CYP19A1: variants seen among roughly 807,000 people sequenced by gnomAD.
The protein encoded by CYP19A1 is cytochrome P450 family 19 subfamily A member 1, also known as aromatase.
Under a neutral mutation model 44.4 loss-of-function variants are expected in CYP19A1, and 32 were observed. The observed-to-expected ratio is 0.72, with a 90% CI of 0.54 to 0.97. CYP19A1 has a LOEUF of 0.97. Among genes scored for constraint, CYP19A1 ranks in the 50% least tolerant of loss-of-function variants. CYP19A1 has a pLI of 0.00. For missense variants in CYP19A1, 598 were observed against 637.8 expected (o/e 0.94, Z 0.67); for synonymous variants, 212 against 215.6 (o/e 0.98, Z 0.14).
At chr15:51,231,161 GA>G (rs1445112742) in intron 3 of CYP19A1, among the ~76,000 whole-genome samples, 2 of 152,206 alleles carry the variant, frequency 1.3e-5, no homozygotes, top group African/African-American at 2.4e-5. Context: ...GATGTGATAT[GA>G]AGTTCCTAGT....
At chr15:51,313,282 T>C (rs1163084152) in intron 1 of CYP19A1, 20 of 152,224 alleles carry the variant, frequency 1.3e-4, no homozygotes, top group Admixed American at 1.3e-3. Flanking sequence ...GTTTTACCCT[T>C]GATGACTCAT....
At chr15:51,323,058 A>G (rs1180558133) in intron 1 of CYP19A1, among the ~76,000 whole-genome samples, 1 of 152,246 alleles carries the variant, frequency 6.6e-6, no homozygotes, top group Non-Finnish European at 1.5e-5. Flanking sequence ...GACAAGCCTT[A>G]GTTGGCTTGG....
chr15:51,220,188 G>A (rs919116941), intron 5 of CYP19A1, among the ~76,000 whole-genome samples: 2 of 152,204 alleles, frequency 1.3e-5, no homozygotes, highest in South Asian at 2.1e-4. Context: ...CACTAAATTC[G>A]AGCTATGGTC....
chr15:51,216,948 A>T (rs1452541863), intron 6 of CYP19A1, among the ~76,000 whole-genome samples: 1 of 152,168 alleles, frequency 6.6e-6, no homozygotes, highest in East Asian at 1.9e-4. Flanking sequence ...TTGTAAGTGT[A>T]TTGTTCCCTT....
chr15:51,322,302 A>T (rs2036541599), intron 1 of CYP19A1, among the ~76,000 whole-genome samples: 1 of 152,224 alleles, frequency 6.6e-6, no homozygotes, highest in Admixed American at 6.5e-5. Context: ...TGAGCAGAGA[A>T]CAAGCAGCCA....
intron 1 of CYP19A1, among the ~76,000 whole-genome samples, chr15:51,264,234 G>A (rs1754693798): frequency 6.6e-6 from 1 of 152,148 alleles, no homozygotes; most frequent in South Asian, 2.1e-4. Context: ...ATGATGACAG[G>A]TTCACCGCTG....
At position 51,215,113 on chromosome 15, in the gene CYP19A1, A is replaced by G; in HGVS notation, c.978T>C (p.Pro326=). The stretch of plus-strand genomic sequence containing the variant: ...CCTTTATTATTGCCTCTTCAACATT[A>G]GGGTGCTTTGCAATGAGAAATAGCA... ...FFMLFLIAKH[P]NVEEAIIKEI... is the part of the protein sequence containing the mutation. Residue 326 remains proline, a synonymous_variant, in exon 8 of 10, where the codon CCT becomes CCC. Coordinates refer to ENST00000396402, the MANE Select transcript of CYP19A1 (RefSeq NM_000103.4). 1 of 1,614,084 alleles carries G rather than the reference A, an allele frequency of 6.2e-7. No homozygotes were observed. The highest frequency in any genetic ancestry group is 8.5e-7 in the Non-Finnish European group (1 of 1,179,994).
At chr15:51,294,363 C>T (rs1296969592) in intron 1 of CYP19A1, among the ~76,000 whole-genome samples, 11 of 150,872 alleles carry the variant, frequency 7.3e-5, no homozygotes, top group South Asian at 4.2e-4. Context: ...TGCCCGGCCG[C>T]GACCCCATCT....
At chr15:51,319,033 A>G (rs1469683376) in intron 1 of CYP19A1, 2 of 152,190 alleles carry the variant, frequency 1.3e-5, no homozygotes, top group East Asian at 1.9e-4. Context: ...GCCCCTCTGC[A>G]TTCATTGCGC....
intron 1 of CYP19A1, among the ~76,000 whole-genome samples, chr15:51,246,199 A>T (rs2141131579): frequency 6.6e-6 from 1 of 152,000 alleles, no homozygotes; most frequent in South Asian, 2.1e-4. Flanking sequence ...GAATATAGGA[A>T]GGTCCTAGAA....
rs575597256 is a variant in CYP19A1, at chr15:51,310,596, C to T, written c.-39+27899G>A. Among the ~76,000 whole-genome samples the T allele has an allele frequency of 2.8e-3, 430 of 152,332 alleles. 1 individual carries two copies. The highest frequency in any genetic ancestry group is 5.0e-3 in the Non-Finnish European group (337 of 68,030). ...ACTAAAATCTCAAGAGAAAACCTGT[C>T]CCTTTGGGTACAGAAATTCAGAAAA... is the stretch of plus-strand genomic sequence containing the variant. On this transcript the variant is annotated intron_variant, in intron 1 of 9. Transcript: ENST00000396402.
intron 1 of CYP19A1, among the ~76,000 whole-genome samples, chr15:51,317,459 G>T (rs779575725): frequency 2.0e-5 from 3 of 152,098 alleles, no homozygotes; most frequent in Non-Finnish European, 2.9e-5. Context: ...TTGTTTTCCT[G>T]CCCCAAACCT....
In CYP19A1 at chr15:51,210,489, T is replaced by A; in HGVS notation, c.*319A>T. 1 of 546,016 alleles carries A rather than the reference T, an allele frequency of 1.8e-6. No homozygotes were observed. The highest frequency in any genetic ancestry group is 3.9e-5 in the East Asian group (1 of 25,482). The allele number at this position is 546,016 out of a possible 1,614,324, so 33.8% of individuals were successfully genotyped here. ...TAGAGCTCTACTGGGGAACCAGACA[T>A]ACATTTTGTTAATGAAGGCCTATCC... On this transcript the variant is annotated 3_prime_UTR_variant, in exon 10 of 10. Transcript: ENST00000396402.
intron 1 of CYP19A1, among the ~76,000 whole-genome samples, chr15:51,334,888 T>C (rs909133086): frequency 1.3e-5 from 2 of 152,216 alleles, no homozygotes; most frequent in African/African-American, 2.4e-5. Context: ...ACATCTGTCC[T>C]GTGACTGAGT....
At chr15:51,271,467 C>T (rs2035125162) in intron 1 of CYP19A1, among the ~76,000 whole-genome samples, 1 of 152,212 alleles carries the variant, frequency 6.6e-6, no homozygotes, top group African/African-American at 2.4e-5. Flanking sequence ...CCCAACGTGT[C>T]TTGATTTATA....
At chr15:51,267,047 T>A (rs1284905546) in intron 1 of CYP19A1, among the ~76,000 whole-genome samples, 1 of 152,226 alleles carries the variant, frequency 6.6e-6, no homozygotes, top group African/African-American at 2.4e-5. Flanking sequence ...GAACTTTCCC[T>A]GCTTCTACCC....
chr15:51,215,709 TAAA>T lies in CYP19A1; in HGVS notation c.849_851del (p.Leu284del), dbSNP rs764229212. The T allele has an allele frequency of 3.1e-6, 5 of 1,613,934 alleles. No individual in the cohort carries two copies. The African/African-American group carries it at 6.7e-5, about 22-fold the overall frequency. ...AGTTAGTTCAGGTCAGTACCTCTGC[TAAA>T]ATCAACTCAGTGGCAAAGTCCATAC... On this transcript the variant is annotated inframe_deletion, in exon 7 of 10. Coordinates refer to ENST00000396402, the MANE Select transcript of CYP19A1 (RefSeq NM_000103.4).
At chr15:51,324,233 T>G (rs374576636) in intron 1 of CYP19A1, among the ~76,000 whole-genome samples, 7 of 152,358 alleles carry the variant, frequency 4.6e-5, no homozygotes, top group South Asian at 4.1e-4. Flanking sequence ...CACTAATTTA[T>G]GTAAAGGTAG....
intron 1 of CYP19A1, among the ~76,000 whole-genome samples, chr15:51,290,445 A>C (rs1396966430): frequency 6.6e-6 from 1 of 152,196 alleles, no homozygotes; most frequent in Admixed American, 6.5e-5. Context: ...AGAGTGAAAA[A>C]GGTCTTCCAT....
Sources: allele counts gnomAD v4.1 joint callset (sites outside exome capture counted in the v4.1 genomes callset), GRCh38; gene constraint gnomAD v4.1.1; transcripts MANE v1.5; gene names NCBI Gene and HGNC (gene_info 2026-07-23, HGNC 2026-07-21).